The following NUBPL variants were observed in gnomAD, a reference collection of about 807,000 sequenced individuals.
NUBPL encodes the protein iron-sulfur cluster transfer protein NUBPL.
Under a neutral mutation model 45.7 loss-of-function variants are expected in NUBPL, and 31 were observed. The ratio of observed to expected loss-of-function variants is 0.68; its 90% CI spans 0.51 to 0.92. NUBPL has a LOEUF of 0.92. Ranked by LOEUF, NUBPL falls within the 40% of genes least tolerant of loss-of-function variation. NUBPL has a pLI of 0.00. For missense variants in NUBPL, 401 were observed against 398.7 expected, an observed-to-expected ratio of 1.01 and a Z score of -0.05; for synonymous variants, 144 against 140.9, an observed-to-expected ratio of 1.02 and a Z score of -0.15.
intron 2 of NUBPL, 58 bp downstream of exon 2, chr14:31,562,273 A>G: frequency 6.9e-7 from 1 of 1,446,468 alleles, no homozygotes; most frequent in Non-Finnish European, 9.6e-7. Context: ...AGACAAGTGC[A>G]CACTATTGAA....
intron 8 of NUBPL, among the ~76,000 whole-genome samples, chr14:31,839,142 C>T (rs559044982): frequency 6.6e-6 from 1 of 152,164 alleles, no homozygotes; most frequent in East Asian, 1.9e-4. Context: ...GTTCTTATTG[C>T]TTTATTACCA....
chr14:31,847,865 C>T (rs182270594), intron 9 of NUBPL, among the ~76,000 whole-genome samples: 28 of 152,282 alleles, frequency 1.8e-4, no homozygotes, highest in Admixed American at 1.4e-3. Flanking sequence ...TAATTATATT[C>T]TGCAACTGTT....
At chr14:31,767,930 A>G (rs538624330) in intron 6 of NUBPL, among the ~76,000 whole-genome samples, 2 of 152,338 alleles carry the variant, frequency 1.3e-5, no homozygotes, top group East Asian at 3.9e-4. Context: ...CACCTGGCAT[A>G]CTGCTTAGCT....
chr14:31,847,696 C>T lies in NUBPL; in HGVS notation c.814+1105C>T, dbSNP rs189388874. Among the ~76,000 whole-genome samples the T allele has an allele frequency of 1.1e-4, 16 of 152,112 alleles. No homozygotes were observed. In the East Asian group the frequency reaches 1.7e-3, roughly 16 times the overall value. ...ACTTAGGTAGTTAAAAATTAAGATC[C>T]CTAGAGATTAAGGAATTTCAAAACA... On this transcript the variant is annotated intron_variant, in intron 9 of 10. Transcript: ENST00000281081.
intron 6 of NUBPL, among the ~76,000 whole-genome samples, chr14:31,732,529 T>A (rs2038073074): frequency 6.6e-6 from 1 of 152,002 alleles, no homozygotes; most frequent in Non-Finnish European, 1.5e-5. Flanking sequence ...GTTTCTGGCT[T>A]GCTTATTTAT....
chr14:31,712,459 A>T (rs2037596820), intron 6 of NUBPL, among the ~76,000 whole-genome samples: 1 of 152,108 alleles, frequency 6.6e-6, no homozygotes, highest in Middle Eastern at 3.2e-3. Context: ...GCCCACCCAG[A>T]ACCTGTGCCA....
chr14:31,750,123 T>C (rs1157684566), intron 6 of NUBPL, among the ~76,000 whole-genome samples: 1 of 151,684 alleles, frequency 6.6e-6, no homozygotes, highest in Non-Finnish European at 1.5e-5. Flanking sequence ...TTTCTTTTTA[T>C]TATCTGTCTT....
chr14:31,670,851 A>C (rs922731596), intron 4 of NUBPL, among the ~76,000 whole-genome samples: 1 of 152,164 alleles, frequency 6.6e-6, no homozygotes, highest in Non-Finnish European at 1.5e-5. Flanking sequence ...TTGTACCAGT[A>C]CCATGCTGTT....
intron 6 of NUBPL, among the ~76,000 whole-genome samples, chr14:31,690,343 C>T (rs11628555): frequency 0.3 from 45,275 of 152,014 alleles, 7,550 homozygotes; most frequent in South Asian, 0.41. Flanking sequence ...GGTCCACTGA[C>T]GTGTTTTCCT....
intron 6 of NUBPL, among the ~76,000 whole-genome samples, chr14:31,781,352 C>T (rs911021349): frequency 5.3e-5 from 8 of 152,184 alleles, no homozygotes; most frequent in African/African-American, 1.9e-4. Flanking sequence ...GTCCTGGTTA[C>T]ATGAAATAAT....
chr14:31,679,517 A>G (rs2036779836), intron 6 of NUBPL, among the ~76,000 whole-genome samples: 1 of 152,184 alleles, frequency 6.6e-6, no homozygotes, highest in African/African-American at 2.4e-5. Context: ...TTTGTTTGAA[A>G]GACTTCCCTT....
chr14:31,840,361 CA>C (rs2040349574), intron 8 of NUBPL, among the ~76,000 whole-genome samples: 1 of 152,190 alleles, frequency 6.6e-6, no homozygotes, highest in South Asian at 2.1e-4. Context: ...ATCACGAGGT[CA>C]GGAGATCGAG....
chr14:31,743,876 A>G (rs1272192181), intron 6 of NUBPL, among the ~76,000 whole-genome samples: 1 of 152,200 alleles, frequency 6.6e-6, no homozygotes, highest in African/African-American at 2.4e-5. Context: ...AATGTTGTTT[A>G]GTGTTTCTTA....
chr14:31,745,121 A>T (rs958995945), intron 6 of NUBPL, among the ~76,000 whole-genome samples: 2 of 151,914 alleles, frequency 1.3e-5, no homozygotes, highest in Non-Finnish European at 2.9e-5. Context: ...TTACATATGT[A>T]TACATGCGCC....
At position 31,561,564 on chromosome 14, in the gene NUBPL, G is replaced by A. The variant is rs759040094; in HGVS notation, c.108+17G>A. 7.4e-7 allele frequency: 1 copy of A among 1,358,972 alleles called. No homozygotes were observed. The highest frequency in any genetic ancestry group is 2.7e-5 in the East Asian group (1 of 36,476). 84.2% of individuals were successfully genotyped at this position (1,358,972 alleles called of 1,614,324 possible). On this transcript the variant is annotated intron_variant, in intron 1 of 10. Coordinates refer to ENST00000281081, the MANE Select transcript of NUBPL (RefSeq NM_025152.3). ...GGGCGCCAGGTCCGTGGTGCTGCAG[G>A]GCAGGGGGAAGCGGGCTGACAGATG...
intron 6 of NUBPL, among the ~76,000 whole-genome samples, chr14:31,678,642 G>A (rs2036757507): frequency 6.6e-6 from 1 of 152,212 alleles, no homozygotes; most frequent in Non-Finnish European, 1.5e-5. Flanking sequence ...GTCCTACTGT[G>A]GCTAAGCTGG....
rs139107636 is a variant in NUBPL at position 31,831,731 on chromosome 14, C to T, written c.693+5017C>T. Reference sequence around the variant, plus strand: ...AGTTTGTCTATAGTTGAGATAGTTACGCATTGGTGTATTGCCAGGTTTGGT... The same window carrying T: ...AGTTTGTCTATAGTTGAGATAGTTATGCATTGGTGTATTGCCAGGTTTGGT... On this transcript the variant is annotated intron_variant, in intron 8 of 10. Coordinates refer to ENST00000281081, the MANE Select transcript of NUBPL (RefSeq NM_025152.3). Among the ~76,000 whole-genome samples, 27 of 152,218 alleles carry T rather than the reference C, an allele frequency of 1.8e-4. No individual in the cohort carries two copies. In the East Asian group the frequency reaches 2.7e-3, roughly 15 times the overall value.
intron 6 of NUBPL, among the ~76,000 whole-genome samples, chr14:31,778,277 C>T (rs1054094022): frequency 6.6e-6 from 1 of 152,112 alleles, no homozygotes; most frequent in African/African-American, 2.4e-5. Context: ...CTAAGAAGTC[C>T]TTTCCCAGGA....
At chr14:31,834,504 TG>T (rs1336124629) in intron 8 of NUBPL, among the ~76,000 whole-genome samples, 2 of 152,166 alleles carry the variant, frequency 1.3e-5, no homozygotes, top group African/African-American at 2.4e-5. Flanking sequence ...AGTATTTATT[TG>T]TAAAGGTTAA....
Sources: allele counts gnomAD v4.1 joint callset (sites outside exome capture counted in the v4.1 genomes callset), GRCh38; gene constraint gnomAD v4.1.1; transcripts MANE v1.5; gene names NCBI Gene and HGNC (gene_info 2026-07-23, HGNC 2026-07-21).